Variants in TRAPPC8 observed in about 807,000 individuals in gnomAD.
TRAPPC8 encodes the protein general sporulation gene 1 homolog.
Under a neutral mutation model 174.3 loss-of-function variants are expected in TRAPPC8, and 54 were observed. The observed-to-expected ratio is 0.31, with a 90% CI of 0.25 to 0.39. The LOEUF (loss-of-function observed/expected upper bound fraction) is 0.39, where lower values mean the gene tolerates loss of function less well. TRAPPC8 is among the 10% of genes least tolerant of loss of function. TRAPPC8 has a pLI of 1.00. For missense variants in TRAPPC8, 1,531 were observed against 1,699.1 expected, an observed-to-expected ratio of 0.90 and a Z score of 1.74; for synonymous variants, 630 against 579.9, an observed-to-expected ratio of 1.09 and a Z score of -1.24.
At position 31,857,961 on chromosome 18, in the gene TRAPPC8, T is replaced by C. The variant is rs955319712; in HGVS notation, c.2767A>G (p.Thr923Ala). 13 of 1,609,798 alleles carry C rather than the reference T, an allele frequency of 8.1e-6. No homozygotes were observed. The highest frequency in any genetic ancestry group is 2.2e-5 in the East Asian group (1 of 44,842). ...LLEVFFIHFPTGLLCGEIRKA... is the reference protein window; with the variant it reads ...LLEVFFIHFPAGLLCGEIRKA... ...CGGATTTCTCCACAGAGAAGCCCTG[T>C]AGGAAAATGTATAAAGAACACCTGC... Residue 923 changes from threonine to alanine, a missense_variant, in exon 20 of 29, where the codon ACA becomes GCA. Coordinates refer to ENST00000283351, the MANE Select transcript of TRAPPC8 (RefSeq NM_014939.5).
intron 2 of TRAPPC8, among the ~76,000 whole-genome samples, chr18:31,927,276 T>A (rs2037657131): frequency 6.7e-6 from 1 of 149,744 alleles, no homozygotes. Context: ...CCCAACTAAT[T>A]TTTTTTTTTT....
chr18:31,903,098 T>C (rs2036510188), intron 9 of TRAPPC8, among the ~76,000 whole-genome samples: 2 of 123,158 alleles, frequency 1.6e-5, no homozygotes, highest in Admixed American at 8.8e-5. Context: ...GTCCTGCTTT[T>C]TGATTGCGCG....
chr18:31,863,505 A>G (rs2034435267), intron 19 of TRAPPC8, among the ~76,000 whole-genome samples: 1 of 152,236 alleles, frequency 6.6e-6, no homozygotes, highest in Non-Finnish European at 1.5e-5. Flanking sequence ...AAAGAATACC[A>G]TATGTAACGG....
chr18:31,903,267 T>C (rs2036524755), intron 9 of TRAPPC8, among the ~76,000 whole-genome samples: 1 of 152,098 alleles, frequency 6.6e-6, no homozygotes, highest in Non-Finnish European at 1.5e-5. Context: ...ACGACAAGAA[T>C]GATTTAGGGT....
chr18:31,868,895 G>A (rs2034711490), intron 16 of TRAPPC8, among the ~76,000 whole-genome samples: 1 of 151,766 alleles, frequency 6.6e-6, no homozygotes, highest in African/African-American at 2.4e-5. Flanking sequence ...AGAGATGGGG[G>A]TCTCACTATG....
At position 31,855,822 on chromosome 18, in the gene TRAPPC8, A is replaced by G; in HGVS notation, c.3189-15T>C. On this transcript the variant is annotated splice_polypyrimidine_tract_variant and intron_variant, in intron 20 of 28. Transcript: ENST00000283351. ...ATATTCTGTGCCTGAAGTTAAAAAA[A>G]AAAAAAAAAGCACATTTAAGCACAG... 6.3e-7 allele frequency: 1 copy of G among 1,581,552 alleles called. No individual in the cohort carries two copies. The highest frequency in any genetic ancestry group is 8.5e-7 in the Non-Finnish European group (1 of 1,171,926).
chr18:31,888,723 C>T (rs1364110533), intron 12 of TRAPPC8, among the ~76,000 whole-genome samples: 1 of 152,120 alleles, frequency 6.6e-6, no homozygotes, highest in Non-Finnish European at 1.5e-5. Flanking sequence ...ACAATGAGAA[C>T]ACATGGACAC....
chr18:31,927,596 T>A (rs1042775408), intron 2 of TRAPPC8, among the ~76,000 whole-genome samples: 3 of 151,928 alleles, frequency 2.0e-5, no homozygotes, highest in Admixed American at 6.6e-5. Flanking sequence ...TCAGATGGGG[T>A]CTCAATATGT....
Position 31,907,448 on chromosome 18 carries a change from T to A in TRAPPC8, c.1389+12A>T, listed in dbSNP as rs200914062. ...GCAGAATTAAGGAATTATAATACCA[T>A]AGAATACCAACCAAGGCACCAGCTG... On this transcript the variant is annotated intron_variant, in intron 9 of 28. Transcript: ENST00000283351. The A allele has an allele frequency of 6.3e-7, 1 of 1,578,834 alleles. No homozygotes were observed. Among genetic ancestry groups the A allele is most frequent in the East Asian group, 2.3e-5 (1 of 44,334 alleles).
intron 1 of TRAPPC8, among the ~76,000 whole-genome samples, chr18:31,942,272 G>A (rs2038377508): frequency 6.6e-6 from 1 of 152,190 alleles, no homozygotes; most frequent in Non-Finnish European, 1.5e-5. Context: ...TAGCTGCTTT[G>A]CAAGTGCCTA....
chr18:31,897,784 A>G lies in TRAPPC8; in HGVS notation c.1596+2T>C. On this transcript the variant is annotated splice_donor_variant, in intron 11 of 28. Coordinates refer to ENST00000283351, the MANE Select transcript of TRAPPC8 (RefSeq NM_014939.5). LOFTEE classifies it high-confidence loss of function. ...AAAGCAAATACTACACAGTTTCAGT[A>G]CCTCACTGGTCAACCGTATTAGGAG... The G allele has an allele frequency of 6.3e-7, 1 of 1,586,854 alleles. No individual in the cohort carries two copies. The highest frequency in any genetic ancestry group is 1.2e-5 in the South Asian group (1 of 86,078).
At chr18:31,896,689 G>T (rs1433030427) in intron 11 of TRAPPC8, among the ~76,000 whole-genome samples, 1 of 152,074 alleles carries the variant, frequency 6.6e-6, no homozygotes, top group Non-Finnish European at 1.5e-5. Flanking sequence ...GCAGTGGTGC[G>T]ATCTCGGCTC....
chr18:31,866,946 T>C lies in TRAPPC8; in HGVS notation c.2493A>G (p.Ile831Met), dbSNP rs750608743. 7 of 1,613,638 alleles carry C rather than the reference T, an allele frequency of 4.3e-6. No homozygotes were observed. The Admixed American group carries it at 1.2e-4, about 27-fold the overall frequency. ...CAACTCCCAGAATATGCAGCTCCCC[T>C]ATGTGATGGGGAAAGAGCTTTAGTC... Reference protein sequence around the residue: ...VARLKLFPHHIGELHILGVVY... With the variant: ...VARLKLFPHHMGELHILGVVY... Residue 831 changes from isoleucine (I) to methionine (M), a missense_variant, in exon 18 of 29, where the codon ATA (isoleucine) becomes ATG (methionine). Ile to Met is a conservative substitution (Grantham distance 10). Transcript: ENST00000283351.
chr18:31,938,926 A>G (rs2038212391), intron 1 of TRAPPC8, among the ~76,000 whole-genome samples: 1 of 152,098 alleles, frequency 6.6e-6, no homozygotes, highest in Non-Finnish European at 1.5e-5. Flanking sequence ...CCAAAAATAG[A>G]AAAATTAGCT....
intron 12 of TRAPPC8, among the ~76,000 whole-genome samples, chr18:31,890,304 A>G (rs1298950397): frequency 6.6e-6 from 1 of 152,222 alleles, no homozygotes. Flanking sequence ...ATGTCTATAC[A>G]TTAAGTATTT....
At chr18:31,887,825 A>G (rs1183238193) in intron 12 of TRAPPC8, among the ~76,000 whole-genome samples, 1 of 152,068 alleles carries the variant, frequency 6.6e-6, no homozygotes, top group African/African-American at 2.4e-5. Flanking sequence ...CTGCTATTCA[A>G]CATAGTATTG....
At chr18:31,861,085 C>T (rs995554091) in intron 19 of TRAPPC8, among the ~76,000 whole-genome samples, 4 of 152,144 alleles carry the variant, frequency 2.6e-5, no homozygotes, top group African/African-American at 4.8e-5. Flanking sequence ...TATCAGGAAA[C>T]CCATACCAGC....
chr18:31,905,044 A>G (rs2036599067), intron 9 of TRAPPC8, among the ~76,000 whole-genome samples: 1 of 151,754 alleles, frequency 6.6e-6, no homozygotes, highest in Admixed American at 6.6e-5. Flanking sequence ...AAAAAAAAAA[A>G]GTCTGCAAGC....
chr18:31,938,876 T>TA (rs2038210625), intron 1 of TRAPPC8, among the ~76,000 whole-genome samples: 1 of 152,078 alleles, frequency 6.6e-6, no homozygotes. Flanking sequence ...GGTCAAGAGA[T>TA]AGAGACAATC....
Sources: allele counts gnomAD v4.1 joint callset (sites outside exome capture counted in the v4.1 genomes callset), GRCh38; gene constraint gnomAD v4.1.1; transcripts MANE v1.5; gene names NCBI Gene and HGNC (gene_info 2026-07-23, HGNC 2026-07-21).